The following EFL1 variants were observed in gnomAD, a reference collection of about 807,000 sequenced individuals.
EFL1 encodes the protein elongation factor like GTPase 1.
Under a neutral mutation model 126.7 loss-of-function variants are expected in EFL1, and 76 were observed. The ratio of observed to expected loss-of-function variants is 0.60; its 90% CI spans 0.50 to 0.73. The LOEUF (loss-of-function observed/expected upper bound fraction) is 0.73, where lower values mean the gene tolerates loss of function less well. Ranked by LOEUF, EFL1 falls within the 30% of genes least tolerant of loss-of-function variation. The pLI is 0.00. For missense variants in EFL1, 1,128 were observed against 1,343.2 expected, an observed-to-expected ratio of 0.84 and a Z score of 2.50; for synonymous variants, 410 against 448.4, an observed-to-expected ratio of 0.91 and a Z score of 1.08.
At chr15:82,184,856 CA>C (rs932386680) in intron 15 of EFL1, among the ~76,000 whole-genome samples, 5 of 152,148 alleles carry the variant, frequency 3.3e-5, no homozygotes, top group Admixed American at 1.3e-4. Context: ...AAAACATGTG[CA>C]ATCATAAAAA....
At chr15:82,251,764 T>C (rs762398940) in intron 4 of EFL1, among the ~76,000 whole-genome samples, 71 of 152,226 alleles carry the variant, frequency 4.7e-4, no homozygotes, top group Non-Finnish European at 2.1e-4. Flanking sequence ...GTGTCAAAGA[T>C]ATGACACTTG....
At chr15:82,258,535 A>G (rs372972422) in intron 3 of EFL1, among the ~76,000 whole-genome samples, 1 of 152,230 alleles carries the variant, frequency 6.6e-6, no homozygotes, top group African/African-American at 2.4e-5. Context: ...AGCCTGGGCA[A>G]CAGAGTGAGA....
chr15:82,165,849 A>G (rs906241679), intron 15 of EFL1, among the ~76,000 whole-genome samples: 1 of 152,210 alleles, frequency 6.6e-6, no homozygotes. Context: ...TTTTGTGTGC[A>G]TGGGATCCTC....
At chr15:82,185,286 G>A (rs1406414905) in intron 15 of EFL1, among the ~76,000 whole-genome samples, 2 of 150,936 alleles carry the variant, frequency 1.3e-5, no homozygotes, top group Non-Finnish European at 2.9e-5. Context: ...AGTTAAAATT[G>A]TATCTCTACT....
chr15:82,210,301 T>TA (rs2074570181), intron 15 of EFL1, among the ~76,000 whole-genome samples: 1 of 152,180 alleles, frequency 6.6e-6, no homozygotes, highest in African/African-American at 2.4e-5. Flanking sequence ...GACTCACTTC[T>TA]AATAAACAGA....
intron 4 of EFL1, among the ~76,000 whole-genome samples, chr15:82,248,415 G>A (rs1353336236): frequency 6.6e-6 from 1 of 152,114 alleles, no homozygotes; most frequent in Non-Finnish European, 1.5e-5. Context: ...TCTGCTACAT[G>A]CTGGCCTTGT....
In EFL1 at chr15:82,202,693, T is replaced by C. The variant is rs188194827; in HGVS notation, c.1750+12024A>G. On this transcript the variant is annotated intron_variant, in intron 15 of 19. Transcript: ENST00000268206. ...GCTTAAAAGTTAGCTGAACTAGAAT[T>C]TTAACCCAAAATATTCTATTTCCAA... is the stretch of plus-strand genomic sequence containing the variant. 6.4e-3 allele frequency among the ~76,000 whole-genome samples: 974 copies of C among 152,270 alleles called. 9 individuals are homozygous for C. The highest frequency in any genetic ancestry group is 0.021 in the African/African-American group (892 of 41,550).
chr15:82,166,309 G>A (rs1259940954), intron 15 of EFL1, among the ~76,000 whole-genome samples: 1 of 152,062 alleles, frequency 6.6e-6, no homozygotes, highest in African/African-American at 2.4e-5. Flanking sequence ...TCCAATTACC[G>A]AATCTACTCT....
intron 15 of EFL1, among the ~76,000 whole-genome samples, chr15:82,200,130 G>A (rs1241049233): frequency 2.0e-5 from 3 of 152,054 alleles, no homozygotes; most frequent in East Asian, 1.9e-4. Flanking sequence ...CCTATGCATC[G>A]GGAAAAAAAC....
chr15:82,151,205 C>T (rs370419773), intron 18 of EFL1, among the ~76,000 whole-genome samples: 3 of 152,008 alleles, frequency 2.0e-5, no homozygotes, highest in Admixed American at 6.6e-5. Context: ...GGCAACGTTG[C>T]GAAACTCAGT....
intron 15 of EFL1, among the ~76,000 whole-genome samples, chr15:82,202,920 T>G (rs1360352006): frequency 6.6e-6 from 1 of 151,922 alleles, no homozygotes; most frequent in Non-Finnish European, 1.5e-5. Context: ...CAAGTGATTC[T>G]CCCGCCTCAG....
chr15:82,138,570 T>C (rs1431179722), intron 19 of EFL1, 88 bp downstream of exon 19: 1 of 1,480,174 alleles, frequency 6.8e-7, no homozygotes, highest in African/African-American at 1.4e-5. Context: ...AATGGCATGA[T>C]CTGTGTTGTT....
intron 15 of EFL1, among the ~76,000 whole-genome samples, chr15:82,193,258 T>C (rs2141273427): frequency 6.6e-6 from 1 of 152,300 alleles, no homozygotes; most frequent in African/African-American, 2.4e-5. Context: ...ACAGAGATCT[T>C]GGTGGAGAAA....
intron 15 of EFL1, among the ~76,000 whole-genome samples, chr15:82,184,007 ACTCTGGGAC>A (rs1379454780): frequency 6.6e-6 from 1 of 152,154 alleles, no homozygotes; most frequent in East Asian, 1.9e-4. Flanking sequence ...GGGCTTCAGA[ACTCTGGGAC>A]CTCAGAGGTG....
intron 15 of EFL1, chr15:82,174,243 A>T (rs980475335): frequency 3.1e-4 from 47 of 152,216 alleles, no homozygotes; most frequent in African/African-American, 1.1e-3. Context: ...GCACGAACAC[A>T]GTTCTCTCTA....
At chr15:82,157,459 T>A (rs1274548474) in intron 17 of EFL1, 1 of 326,312 alleles carries the variant, frequency 3.1e-6, no homozygotes, top group Admixed American at 4.5e-5. Flanking sequence ...ATGCTTAAAG[T>A]AAAATACATA....
chr15:82,227,673 A>C (rs1475948669), intron 10 of EFL1, 101 bp from the exon 11 acceptor site: 1 of 1,513,784 alleles, frequency 6.6e-7, no homozygotes, highest in Non-Finnish European at 9.0e-7. Context: ...AAGTCTGTCC[A>C]TACAGAAAAT....
intron 15 of EFL1, among the ~76,000 whole-genome samples, chr15:82,203,771 G>A (rs1444417598): frequency 6.6e-6 from 1 of 152,178 alleles, no homozygotes; most frequent in Non-Finnish European, 1.5e-5. Context: ...TACATATAAT[G>A]TACTTCATTC....
At chr15:82,147,251 T>C (rs1180151212) in intron 18 of EFL1, among the ~76,000 whole-genome samples, 2 of 152,016 alleles carry the variant, frequency 1.3e-5, no homozygotes, top group South Asian at 2.1e-4. Context: ...AAACAGGTGC[T>C]CCCATTATTT....
Sources: gnomAD v4.1 joint callset for allele counts (sites outside exome capture counted in the v4.1 genomes callset) on GRCh38, gnomAD v4.1.1 for gene constraint, MANE v1.5 for transcripts, NCBI Gene and HGNC (gene_info 2026-07-23, HGNC 2026-07-21) for gene names.